ATP9B: variants seen among roughly 807,000 people sequenced by gnomAD.
ATP9B encodes probable phospholipid-transporting ATPase IIB.
Under a neutral mutation model 146.1 loss-of-function variants are expected in ATP9B, and 110 were observed. The ratio of observed to expected loss-of-function variants is 0.75; its 90% CI spans 0.65 to 0.88. ATP9B has a LOEUF of 0.88. Among genes scored for constraint, ATP9B ranks in the 40% least tolerant of loss-of-function variants. The probability of loss-of-function intolerance (pLI) is 0.00; values close to 1 mark genes in which losing one functional copy is unlikely to be tolerated. For missense variants in ATP9B, 1,499 were observed against 1,496.4 expected, an observed-to-expected ratio of 1.00 and a Z score of -0.03; for synonymous variants, 604 against 569.7, an observed-to-expected ratio of 1.06 and a Z score of -0.86.
chr18:79,116,940 T>TAAAAAAAAAAAAAAAAAAAAAAAAAAAAA (rs377608135), intron 4 of ATP9B, among the ~76,000 whole-genome samples: 1 of 106,802 alleles, frequency 9.4e-6, no homozygotes, highest in Non-Finnish European at 1.9e-5. Flanking sequence ...AAAAAAAAAT[T>TAAAAAAAAAAAAAAAAAAAAAAAAAAAAA]AAAAAAAAAA....
intron 4 of ATP9B, among the ~76,000 whole-genome samples, chr18:79,116,785 G>C (rs1467989816): frequency 1.2e-5 from 1 of 85,604 alleles, no homozygotes; most frequent in Non-Finnish European, 2.3e-5. Flanking sequence ...GGTCGGGGGA[G>C]GGGGGAGGGA....
rs373427322 is a variant in ATP9B, at chr18:79,239,832, G to A, written c.1108-13549G>A. On this transcript the variant is annotated intron_variant, in intron 11 of 29. Transcript: ENST00000426216. The surrounding 1 kb of genome is among the most constrained non-coding windows in gnomAD (Gnocchi z 5.1). ...CATCAGTTAATTATTACACGGAGGCGTTACTGAAGAGGCATCTGAATGTGG... is the reference window on the plus strand; with the variant it reads ...CATCAGTTAATTATTACACGGAGGCATTACTGAAGAGGCATCTGAATGTGG... Among the ~76,000 whole-genome samples, 3 of 152,200 alleles carry A rather than the reference G, an allele frequency of 2.0e-5. No individual in the cohort carries two copies. Among genetic ancestry groups the A allele is most frequent in the Non-Finnish European group, 4.4e-5 (3 of 68,048 alleles).
intron 6 of ATP9B, among the ~76,000 whole-genome samples, chr18:79,149,883 C>A (rs540597770): frequency 3.0e-4 from 46 of 152,094 alleles, no homozygotes; most frequent in African/African-American, 9.9e-4. Context: ...GAGATCAAGA[C>A]CATCTTCGCC....
chr18:79,262,102 G>A (rs1015539249), intron 12 of ATP9B, among the ~76,000 whole-genome samples: 5 of 151,682 alleles, frequency 3.3e-5, no homozygotes, highest in Non-Finnish European at 5.9e-5. Context: ...TCTTCATCTG[G>A]ACACCCCGCT....
At chr18:79,319,669 G>A (rs1043138245) in intron 15 of ATP9B, among the ~76,000 whole-genome samples, 8 of 152,160 alleles carry the variant, frequency 5.3e-5, no homozygotes, top group African/African-American at 1.7e-4. Context: ...TAAGGAAACC[G>A]GCCTGAAGAA....
In ATP9B at chr18:79,311,363, C is replaced by G. The variant is rs73973068; in HGVS notation, c.1773+4129C>G. Among the ~76,000 whole-genome samples, 764 of 152,248 alleles carry G rather than the reference C, an allele frequency of 5.0e-3. 10 individuals are homozygous for G. Among genetic ancestry groups the G allele is most frequent in the African/African-American group, 0.017 (694 of 41,544 alleles). On this transcript the variant is annotated intron_variant, in intron 15 of 29. Transcript: ENST00000426216. ...ACCAATATTTTAAGTTTTCTGTACA[C>G]TTTTCGTGGTGGTGACTCTCAGTGG...
At chr18:79,307,344 C>T in intron 15 of ATP9B, 110 bp downstream of exon 15, 1 of 1,478,786 alleles carries the variant, frequency 6.8e-7, no homozygotes, top group East Asian at 2.3e-5. Context: ...TTTATCGTAG[C>T]TTTAATGTAT....
intron 3 of ATP9B, among the ~76,000 whole-genome samples, chr18:79,111,187 ATTCC>A (rs1568197752): frequency 6.6e-6 from 1 of 152,202 alleles, no homozygotes; most frequent in East Asian, 1.9e-4. Context: ...TTTGTATGTC[ATTCC>A]TTATTTTAAT....
At chr18:79,097,965 A>G (rs1456011901) in intron 2 of ATP9B, among the ~76,000 whole-genome samples, 3 of 152,092 alleles carry the variant, frequency 2.0e-5, no homozygotes, top group Non-Finnish European at 4.4e-5. Context: ...GACTTCCACA[A>G]TGGTTGAACT....
chr18:79,093,427 C>T (rs914645553), intron 1 of ATP9B, among the ~76,000 whole-genome samples: 2 of 152,140 alleles, frequency 1.3e-5, no homozygotes, highest in African/African-American at 4.8e-5. Context: ...AATCGATGTT[C>T]CTCTATATGT....
chr18:79,157,182 A>G (rs111886083), intron 7 of ATP9B, among the ~76,000 whole-genome samples: 5 of 150,358 alleles, frequency 3.3e-5, no homozygotes, highest in Non-Finnish European at 5.9e-5. Flanking sequence ...CCAACATGGC[A>G]AAACCCCGTC....
At chr18:79,277,227 A>G (rs745702624) in intron 13 of ATP9B, 31 bp downstream of exon 13, 24 of 1,610,620 alleles carry the variant, frequency 1.5e-5, no homozygotes, top group Non-Finnish European at 2.0e-5. Flanking sequence ...TCACCTTTGA[A>G]TGGACAAAAT....
intron 12 of ATP9B, among the ~76,000 whole-genome samples, chr18:79,262,418 A>G (rs1184199067): frequency 6.6e-6 from 1 of 152,204 alleles, no homozygotes; most frequent in Non-Finnish European, 1.5e-5. Context: ...TTTTATATAT[A>G]CAAACCTTAT....
intron 19 of ATP9B, among the ~76,000 whole-genome samples, chr18:79,341,252 G>T (rs973859372): frequency 2.7e-5 from 4 of 146,240 alleles, no homozygotes; most frequent in African/African-American, 2.5e-5. Context: ...GTTGTGGTTG[G>T]ATGTGTGTAG....
At chr18:79,096,713 A>G in intron 2 of ATP9B, 64 bp downstream of exon 2, 1 of 1,307,646 alleles carries the variant, frequency 7.6e-7, no homozygotes, top group Non-Finnish European at 1.0e-6. Context: ...TTAGCTTCTA[A>G]TATACTTATT....
At chr18:79,143,917 C>A in intron 6 of ATP9B, 57 bp downstream of exon 6, 1 of 1,081,584 alleles carries the variant, frequency 9.2e-7, no homozygotes, top group Non-Finnish European at 1.3e-6. Context: ...AATGTTTAGC[C>A]TGATTATAAG....
chr18:79,187,804 T>C (rs2095322683), intron 8 of ATP9B, among the ~76,000 whole-genome samples: 1 of 152,188 alleles, frequency 6.6e-6, no homozygotes. Flanking sequence ...ATTTACAAAT[T>C]TGTATGGTAA....
chr18:79,124,417 C>T (rs1322787378), intron 4 of ATP9B, among the ~76,000 whole-genome samples: 2 of 152,254 alleles, frequency 1.3e-5, no homozygotes, highest in African/African-American at 4.8e-5. Flanking sequence ...TTACTCTGCT[C>T]ATCAGCTGGT....
At chr18:79,345,618 C>T (rs754597597) in intron 22 of ATP9B, 46 bp downstream of exon 22, 10 of 1,597,956 alleles carry the variant, frequency 6.3e-6, no homozygotes, top group South Asian at 3.3e-5. Flanking sequence ...CAGAGAAACC[C>T]GTAGGCTGAC....
Sources: gnomAD v4.1 joint callset for allele counts (sites outside exome capture counted in the v4.1 genomes callset) on GRCh38, gnomAD v4.1.1 for gene constraint, Gnocchi (gnomAD v3.1) non-coding constraint, MANE v1.5 for transcripts, NCBI Gene and HGNC (gene_info 2026-07-23, HGNC 2026-07-21) for gene names.